The following TENM1 variants were observed in gnomAD, a reference collection of about 807,000 sequenced individuals.
The protein encoded by TENM1 is teneurin transmembrane protein 1, also known as teneurin-1.
A neutral mutation model predicts 174.8 loss-of-function variants in TENM1; 35 were observed. That is an observed-to-expected ratio of 0.20 (90% CI 0.15 to 0.27). TENM1 has a LOEUF of 0.27. TENM1 is among the 10% of genes least tolerant of loss of function. TENM1 has a pLI of 1.00. For missense variants in TENM1, 1,633 were observed against 2,130.1 expected (o/e 0.77, Z 4.59); for synonymous variants, 781 against 798.7 (o/e 0.98, Z 0.37).
At chrX:124,407,648 A>G (rs2060478065) in intron 25 of TENM1, among the ~76,000 whole-genome samples, 1 of 112,468 alleles carries the variant, frequency 8.9e-6, no homozygotes, top group African/African-American at 3.2e-5. Context: ...AAGGCTTGGG[A>G]AAAGCAGTTG....
intron 3 of TENM1, among the ~76,000 whole-genome samples, chrX:124,769,653 C>T (rs920956488): frequency 8.9e-6 from 1 of 111,964 alleles, no homozygotes; most frequent in Non-Finnish European, 1.9e-5. Context: ...ATTTATGATA[C>T]TTTAGTAAAT....
At chrX:124,662,802 A>G (rs112653329) in intron 6 of TENM1, among the ~76,000 whole-genome samples, 1,818 of 111,886 alleles carry the variant, frequency 0.016, 31 homozygotes, top group African/African-American at 0.055. Flanking sequence ...TCACCTAACC[A>G]TCTTATTTTT....
intron 1 of TENM1, among the ~76,000 whole-genome samples, chrX:124,941,152 C>T (rs893888346): frequency 5.9e-4 from 66 of 111,637 alleles, no homozygotes; most frequent in African/African-American, 2.0e-3. Flanking sequence ...GTCTCCACTT[C>T]CTTTTCTTTG....
At chrX:125,057,535 T>G in the TENM1 span, among the ~76,000 whole-genome samples, 1 of 111,650 alleles carries the variant, frequency 9.0e-6, no homozygotes, top group Admixed American at 9.5e-5. Flanking sequence ...TCTTTTATGT[T>G]TATAATTCCA....
At chrX:124,410,853 G>C (rs962458495) in intron 25 of TENM1, among the ~76,000 whole-genome samples, 3 of 112,166 alleles carry the variant, frequency 2.7e-5, no homozygotes, top group Non-Finnish European at 5.6e-5. Flanking sequence ...CAGGAAAGCT[G>C]AACTTAGATG....
chrX:124,497,201 G>C (rs2047221636), exon 20 of TENM1: 1 of 1,206,690 alleles, frequency 8.3e-7, no homozygotes, highest in East Asian at 3.0e-5. Flanking sequence ...TACCCATTAT[G>C]GTTGATATGA....
At chrX:124,797,207 T>C (rs1046296864) in intron 3 of TENM1, among the ~76,000 whole-genome samples, 1 of 111,938 alleles carries the variant, frequency 8.9e-6, no homozygotes, top group Non-Finnish European at 1.9e-5. Context: ...ATGAGTCAAA[T>C]GTCTGTTGAA....
intron 20 of TENM1, among the ~76,000 whole-genome samples, chrX:124,495,113 G>A (rs2047165776): frequency 9.4e-6 from 1 of 106,358 alleles, no homozygotes; most frequent in African/African-American, 3.4e-5. Flanking sequence ...GGTTGAACTA[G>A]TTTACAGTCC....
chrX:124,390,928 C>CA (rs1391597304), intron 28 of TENM1, among the ~76,000 whole-genome samples: 1 of 111,583 alleles, frequency 9.0e-6, no homozygotes, highest in Non-Finnish European at 1.9e-5. Flanking sequence ...ATATTTCTAG[C>CA]AAAAAAGGAC....
At chrX:124,465,837 C>G (rs1046233578) in intron 22 of TENM1, among the ~76,000 whole-genome samples, 1 of 111,094 alleles carries the variant, frequency 9.0e-6, no homozygotes, top group African/African-American at 3.3e-5. Flanking sequence ...CCCGTGTCTC[C>G]CCAAAGAGAT....
chrX:125,006,021 GC>G, the TENM1 span, among the ~76,000 whole-genome samples: 2 of 111,303 alleles, frequency 1.8e-5, no homozygotes, highest in African/African-American at 6.5e-5. Flanking sequence ...CAGGAGAACC[GC>G]CCACTCCCCT....
At chrX:124,982,270 G>GAAAAAAAAAAAAAAAAAAAAAAAAAA in the TENM1 span, among the ~76,000 whole-genome samples, 1 of 10,555 alleles carries the variant, frequency 9.5e-5, no homozygotes. Flanking sequence ...AAGAAAATGT[G>GAAAAAAAAAAAAAAAAAAAAAAAAAA]AAAAAAAAAA....
chrX:124,968,843 CAG>C, the TENM1 span, among the ~76,000 whole-genome samples: 1 of 111,661 alleles, frequency 9.0e-6, no homozygotes, highest in Non-Finnish European at 1.9e-5. Context: ...GCTTGAGAAA[CAG>C]AGTTTGAATT....
At chrX:125,037,407 A>G in the TENM1 span, among the ~76,000 whole-genome samples, 2 of 110,778 alleles carry the variant, frequency 1.8e-5, no homozygotes, top group Non-Finnish European at 1.9e-5. Context: ...CAGGATGGGC[A>G]GAGACCTTAA....
At chrX:124,379,636 C>G (rs2147558341) in exon 32 of TENM1, 1 of 111,791 alleles carries the variant, frequency 8.9e-6, no homozygotes, top group Non-Finnish European at 1.9e-5. Context: ...AGTAAATTAC[C>G]GTTCATGTGC....
At chrX:124,707,246 G>A (rs939899091) in intron 4 of TENM1, among the ~76,000 whole-genome samples, 2 of 111,637 alleles carry the variant, frequency 1.8e-5, no homozygotes, top group South Asian at 3.7e-4. Context: ...CAGGCAATCC[G>A]CCTACCTCAG....
chrX:124,644,609 T>A (rs2051110124), intron 10 of TENM1, among the ~76,000 whole-genome samples: 1 of 110,839 alleles, frequency 9.0e-6, no homozygotes, highest in African/African-American at 3.3e-5. Context: ...AGGCATGGCT[T>A]TGAAACTCAT....
chrX:124,813,354 C>T (rs1018516844), intron 3 of TENM1, among the ~76,000 whole-genome samples: 3 of 111,412 alleles, frequency 2.7e-5, no homozygotes, highest in African/African-American at 9.8e-5. Context: ...ATGGGAATTC[C>T]AATTTATCAA....
At chrX:125,140,475 C>T in the TENM1 span, among the ~76,000 whole-genome samples, 6 of 111,446 alleles carry the variant, frequency 5.4e-5, no homozygotes, top group African/African-American at 2.0e-4. Flanking sequence ...AAAGAGGTTG[C>T]TTAATAGGTA....
Sources: allele counts gnomAD v4.1 joint callset (sites outside exome capture counted in the v4.1 genomes callset), GRCh38; gene constraint gnomAD v4.1.1; transcripts MANE v1.5; gene names NCBI Gene and HGNC (gene_info 2026-07-23, HGNC 2026-07-21).